FBXL7: variants seen among roughly 807,000 people sequenced by gnomAD.
The protein encoded by FBXL7 is F-box/LRR-repeat protein 7.
A neutral mutation model predicts 38.3 loss-of-function variants in FBXL7; 12 were observed. That is an observed-to-expected ratio of 0.31 (90% CI 0.20 to 0.51). The LOEUF (loss-of-function observed/expected upper bound fraction) is 0.51. Among genes scored for constraint, FBXL7 ranks in the 20% least tolerant of loss-of-function variants. The pLI, the probability that FBXL7 is intolerant of heterozygous loss-of-function variation, is 0.98. For synonymous variants in FBXL7, 297 were observed against 300.9 expected, an observed-to-expected ratio of 0.99 and a Z score of 0.13; for missense variants, 567 against 676.4, an observed-to-expected ratio of 0.84 and a Z score of 1.79.
chr5:15,627,256 C>T (rs1376227185), intron 2 of FBXL7, among the ~76,000 whole-genome samples: 7 of 152,094 alleles, frequency 4.6e-5, no homozygotes, highest in African/African-American at 7.2e-5. Context: ...CCATTCAGGG[C>T]GGGATAAAAT....
At chr5:15,895,801 G>A (rs1416600760) in intron 2 of FBXL7, among the ~76,000 whole-genome samples, 3 of 151,252 alleles carry the variant, frequency 2.0e-5, no homozygotes, top group African/African-American at 4.9e-5. Context: ...CCGCCACCAC[G>A]CCTGGCTAAT....
chr5:15,673,993 A>C (rs1032042652), intron 2 of FBXL7, among the ~76,000 whole-genome samples: 2 of 152,244 alleles, frequency 1.3e-5, no homozygotes, highest in African/African-American at 4.8e-5. Context: ...TGGGAAAATC[A>C]ATCACATTGT....
intron 2 of FBXL7, among the ~76,000 whole-genome samples, chr5:15,783,361 C>A (rs1382221028): frequency 6.6e-6 from 1 of 152,106 alleles, no homozygotes; most frequent in Non-Finnish European, 1.5e-5. Context: ...GGGTGTGACA[C>A]TGAGACGAGA....
At chr5:15,706,144 C>A (rs1743672723) in intron 2 of FBXL7, among the ~76,000 whole-genome samples, 1 of 152,174 alleles carries the variant, frequency 6.6e-6, no homozygotes, top group Non-Finnish European at 1.5e-5. Flanking sequence ...TTGTCTCTGT[C>A]TAAATCTTAC....
chr5:15,642,741 G>C (rs1209511082), intron 2 of FBXL7, among the ~76,000 whole-genome samples: 1 of 152,162 alleles, frequency 6.6e-6, no homozygotes, highest in African/African-American at 2.4e-5. Flanking sequence ...AGCAGGGTAG[G>C]TGGGAAGAGG....
At chr5:15,741,501 A>C (rs983608805) in intron 2 of FBXL7, among the ~76,000 whole-genome samples, 1 of 152,174 alleles carries the variant, frequency 6.6e-6, no homozygotes, top group African/African-American at 2.4e-5. Flanking sequence ...ATGGGAGGCC[A>C]TTCTTTGACC....
chr5:15,876,524 G>T (rs556824606), intron 2 of FBXL7, among the ~76,000 whole-genome samples: 50 of 152,290 alleles, frequency 3.3e-4, no homozygotes, highest in African/African-American at 1.2e-3. Flanking sequence ...TTTGCACTCA[G>T]TAAGGGCATT....
At chr5:15,663,265 A>G (rs6873476) in intron 2 of FBXL7, among the ~76,000 whole-genome samples, 55,325 of 151,896 alleles carry the variant, frequency 0.36, 10,338 homozygotes, top group East Asian at 0.5. Flanking sequence ...TGTGGCAATC[A>G]TGAATGGGAT....
At chr5:15,569,256 T>A (rs1463208979) in intron 1 of FBXL7, among the ~76,000 whole-genome samples, 1 of 151,898 alleles carries the variant, frequency 6.6e-6, no homozygotes, top group Non-Finnish European at 1.5e-5. Context: ...TGTATCCTCT[T>A]TTATTTCCTT....
Position 15,928,333 on chromosome 5 carries a change from G to T in FBXL7, c.571G>T (p.Val191Leu). 2 of 1,613,912 alleles carry T rather than the reference G, an allele frequency of 1.2e-6. No homozygotes were observed. The highest frequency in any genetic ancestry group is 1.7e-6 in the Non-Finnish European group (2 of 1,179,826). The change falls in exon 3 of 4, where the codon GTA (valine) becomes TTA (leucine). Residue 191 changes from valine (V) to leucine (L), a missense_variant. Val to Leu is a conservative substitution (Grantham distance 32). Coordinates refer to ENST00000504595, the MANE Select transcript of FBXL7 (RefSeq NM_012304.5). This position sits in a 1 kb window ranked among gnomAD's most constrained non-coding sequence, Gnocchi z 4.0. ...CAACGTGTGTCTCATGCTGGAAACC[G>T]TAACTGTCAGTGGCTGCAGGCGGCT... ...TPNVCLMLETVTVSGCRRLTD... is the reference protein window; with the variant it reads ...TPNVCLMLETLTVSGCRRLTD...
At chr5:15,888,802 C>A (rs1354588364) in intron 2 of FBXL7, among the ~76,000 whole-genome samples, 1 of 152,016 alleles carries the variant, frequency 6.6e-6, no homozygotes, top group Non-Finnish European at 1.5e-5. Context: ...TTAACTAAAT[C>A]CTGATAATAA....
chr5:15,845,768 G>A (rs181252351), intron 2 of FBXL7, among the ~76,000 whole-genome samples: 3,043 of 152,172 alleles, frequency 0.02, 57 homozygotes, highest in Non-Finnish European at 0.026. Context: ...TCAGGAGATC[G>A]AGACCATCCT....
intron 2 of FBXL7, among the ~76,000 whole-genome samples, chr5:15,751,330 C>T (rs898505659): frequency 1.3e-5 from 2 of 152,062 alleles, no homozygotes; most frequent in African/African-American, 4.8e-5. Flanking sequence ...CATTAGGGGA[C>T]TGAAGGATAT....
At chr5:15,733,253 C>T (rs571274963) in intron 2 of FBXL7, among the ~76,000 whole-genome samples, 13 of 152,108 alleles carry the variant, frequency 8.5e-5, no homozygotes, top group South Asian at 2.1e-4. Context: ...CCACCACGCC[C>T]GGCTAATTTT....
chr5:15,882,925 AT>A (rs1400225354), intron 2 of FBXL7, among the ~76,000 whole-genome samples: 6 of 151,496 alleles, frequency 4.0e-5, no homozygotes, highest in Admixed American at 6.6e-5. Flanking sequence ...TGCAGGGATT[AT>A]AAATTAAATG....
At chr5:15,934,026 A>T (rs1012815508) in intron 3 of FBXL7, among the ~76,000 whole-genome samples, 13 of 152,158 alleles carry the variant, frequency 8.5e-5, no homozygotes, top group African/African-American at 2.4e-4. Context: ...CTATTTTGAG[A>T]TCAAGTCTTG....
In FBXL7 at chr5:15,936,797, G is replaced by A; in HGVS notation, c.1087G>A (p.Val363Ile). ...CCTGAGCATCGCGCACTGCGGCCGG[G>A]TCACCGACGTGGGCATCCGCTACGT... The part of the protein sequence containing the change: ...RYLSIAHCGR[V>I]TDVGIRYVAK... Residue 363 changes from valine (V) to isoleucine (I), a missense_variant, in exon 4 of 4, where the codon GTC (valine) becomes ATC (isoleucine). Transcript: ENST00000504595. The surrounding 1 kb of genome is among the most constrained non-coding windows in gnomAD (Gnocchi z 6.0). 2 of 1,612,454 alleles carry A rather than the reference G, an allele frequency of 1.2e-6. No homozygotes were observed. Among genetic ancestry groups the A allele is most frequent in the Non-Finnish European group, 1.7e-6 (2 of 1,179,504 alleles).
intron 2 of FBXL7, among the ~76,000 whole-genome samples, chr5:15,713,108 G>A (rs889606322): frequency 6.6e-6 from 1 of 152,140 alleles, no homozygotes; most frequent in Admixed American, 6.5e-5. Flanking sequence ...CTGAGACCGG[G>A]CAATTTATGA....
chr5:15,730,274 T>C (rs1051565287), intron 2 of FBXL7, among the ~76,000 whole-genome samples: 10 of 152,164 alleles, frequency 6.6e-5, no homozygotes, highest in Admixed American at 1.3e-4. Context: ...ACTGTAAATC[T>C]CATAACTGAT....
Sources: gnomAD v4.1 joint callset for allele counts (sites outside exome capture counted in the v4.1 genomes callset) on GRCh38, gnomAD v4.1.1 for gene constraint, Gnocchi (gnomAD v3.1) non-coding constraint, MANE v1.5 for transcripts, NCBI Gene and HGNC (gene_info 2026-07-23, HGNC 2026-07-21) for gene names.